Variants in SGCZ observed in about 807,000 individuals in gnomAD.
The protein encoded by SGCZ is zeta-sarcoglycan.
Under a neutral mutation model 41.3 loss-of-function variants are expected in SGCZ, and 40 were observed. The observed-to-expected ratio is 0.97, with a 90% CI of 0.75 to 1.26. The LOEUF is 1.26. Among genes scored for constraint, SGCZ ranks in the 50% most tolerant of loss-of-function variants. The pLI is 0.00. For missense variants in SGCZ, 552 were observed against 369.8 expected, an observed-to-expected ratio of 1.49 and a Z score of -4.04; for synonymous variants, 206 against 137.5, an observed-to-expected ratio of 1.50 and a Z score of -3.49.
At chr8:15,225,839 G>A (rs1383023413) in intron 1 of SGCZ, among the ~76,000 whole-genome samples, 2 of 152,076 alleles carry the variant, frequency 1.3e-5, no homozygotes, top group Non-Finnish European at 2.9e-5. Context: ...CCTAGAATCT[G>A]CCACTTTGCA....
rs1801146660 is a variant in SGCZ at position 14,796,803 on chromosome 8, G to A, written c.40-241877C>T. On this transcript the variant is annotated intron_variant, in intron 1 of 7. Transcript: ENST00000382080. Reference sequence around the variant, plus strand: ...TGTGGTGGTAGGGACCATGTGGGAGGTAACTGAATCATGCGTTGGTTTCGC... The same window carrying A: ...TGTGGTGGTAGGGACCATGTGGGAGATAACTGAATCATGCGTTGGTTTCGC... Among the ~76,000 whole-genome samples the A allele has an allele frequency of 2.0e-5, 3 of 152,138 alleles. No individual in the cohort carries two copies. The South Asian group carries it at 6.2e-4, about 31-fold the overall frequency.
At chr8:14,132,177 G>T (rs1803061744) in intron 5 of SGCZ, among the ~76,000 whole-genome samples, 1 of 151,728 alleles carries the variant, frequency 6.6e-6, no homozygotes, top group Non-Finnish European at 1.5e-5. Context: ...CAGTAATTTT[G>T]CTTGGCCTGT....
At chr8:15,182,006 C>G (rs776019461) in intron 1 of SGCZ, among the ~76,000 whole-genome samples, 1 of 152,106 alleles carries the variant, frequency 6.6e-6, no homozygotes, top group Non-Finnish European at 1.5e-5. Context: ...TAGAATGGTG[C>G]ACTCATCACT....
At chr8:15,133,873 TC>T (rs965851515) in intron 1 of SGCZ, among the ~76,000 whole-genome samples, 8 of 152,222 alleles carry the variant, frequency 5.3e-5, no homozygotes, top group African/African-American at 1.9e-4. Context: ...TTAACAATGA[TC>T]CTTTGCTAAT....
intron 1 of SGCZ, among the ~76,000 whole-genome samples, chr8:15,119,105 T>G (rs1042306326): frequency 3.9e-5 from 6 of 152,216 alleles, no homozygotes; most frequent in African/African-American, 9.6e-5. Context: ...GCTTTACTTC[T>G]TATCCTTTTA....
rs150153741 is a variant in SGCZ at position 15,080,618 on chromosome 8, G to A, written c.39+156967C>T. Among the ~76,000 whole-genome samples the A allele has an allele frequency of 7.7e-3, 1,170 of 152,124 alleles. 9 individuals are homozygous for A. Among genetic ancestry groups the A allele is most frequent in the Non-Finnish European group, 0.011 (781 of 67,982 alleles). ...ATTTATTTATTTATTTTGAGACAGA[G>A]TCTTGCTCTGTCACCAGGCTGGAGT... On this transcript the variant is annotated intron_variant, in intron 1 of 7. Coordinates refer to ENST00000382080, the MANE Select transcript of SGCZ (RefSeq NM_139167.4).
At chr8:14,525,956 T>C (rs1329984702) in intron 2 of SGCZ, among the ~76,000 whole-genome samples, 1 of 151,958 alleles carries the variant, frequency 6.6e-6, no homozygotes, top group Non-Finnish European at 1.5e-5. Context: ...AAGTTAGAGA[T>C]AGTCTAAGCA....
intron 1 of SGCZ, among the ~76,000 whole-genome samples, chr8:15,065,717 G>T (rs1324748165): frequency 6.6e-6 from 1 of 152,048 alleles, no homozygotes; most frequent in East Asian, 2.0e-4. Flanking sequence ...GGGATCACAG[G>T]TATACACACT....
chr8:14,345,480 T>C (rs899310600), intron 2 of SGCZ, among the ~76,000 whole-genome samples: 2 of 152,134 alleles, frequency 1.3e-5, no homozygotes, highest in East Asian at 1.9e-4. Flanking sequence ...TGTATGGGTA[T>C]AGGTTATGGA....
At chr8:15,051,522 C>A (rs2130993942) in intron 1 of SGCZ, among the ~76,000 whole-genome samples, 1 of 152,164 alleles carries the variant, frequency 6.6e-6, no homozygotes, top group South Asian at 2.1e-4. Context: ...TCCTTGAGTA[C>A]ATACCCAGGA....
Position 14,273,722 on chromosome 8 carries a change from C to A in SGCZ, c.337-36043G>T, listed in dbSNP as rs185395454. On this transcript the variant is annotated intron_variant, in intron 3 of 7. Coordinates refer to ENST00000382080, the MANE Select transcript of SGCZ (RefSeq NM_139167.4). Reference sequence around the variant, plus strand: ...AAACTCTTTCAATATCCAACCTTAACCAAGAAAAGAAACACAGGCAATATC... The same window carrying A: ...AAACTCTTTCAATATCCAACCTTAAACAAGAAAAGAAACACAGGCAATATC... 9.2e-4 allele frequency among the ~76,000 whole-genome samples: 140 copies of A among 152,080 alleles called. 1 individual carries two copies. Among genetic ancestry groups the A allele is most frequent in the Non-Finnish European group, 1.5e-3 (104 of 67,992 alleles).
At chr8:14,703,535 A>G (rs1289408833) in intron 1 of SGCZ, among the ~76,000 whole-genome samples, 1 of 152,008 alleles carries the variant, frequency 6.6e-6, no homozygotes, top group East Asian at 1.9e-4. Context: ...ATTGCCTTAT[A>G]TATTTCATGC....
chr8:14,376,353 A>G (rs1216183020), intron 2 of SGCZ, among the ~76,000 whole-genome samples: 1 of 152,066 alleles, frequency 6.6e-6, no homozygotes, highest in East Asian at 1.9e-4. Flanking sequence ...AAAAAATACA[A>G]TGGAAAAATA....
At position 15,143,770 on chromosome 8, in the gene SGCZ, T is replaced by TAGCAAAATATC. The variant is rs1563148845; in HGVS notation, c.39+93814_39+93815insGATATTTTGCT. Among the ~76,000 whole-genome samples, 2 of 4,578 alleles carry TAGCAAAATATC rather than the reference T, an allele frequency of 4.4e-4. 1 individual carries two copies. The highest frequency in any genetic ancestry group is 3.4e-3 in the Non-Finnish European group (2 of 580). The allele number at this position is 4,578 out of a possible 152,430, so 3.0% of individuals were successfully genotyped here. A position where few individuals can be genotyped will look rare whatever the true frequency, so the allele number is the denominator to read the frequency against. On this transcript the variant is annotated intron_variant, in intron 1 of 7. Coordinates refer to ENST00000382080, the MANE Select transcript of SGCZ (RefSeq NM_139167.4). ...ATCTGTGGTCAATCTATTATTACCTTTTTTTTTTTTTTTTTTTTTTTTTTT... is the reference window on the plus strand; with the variant it reads ...ATCTGTGGTCAATCTATTATTACCTTAGCAAAATATCTTTTTTTTTTTTTTTTTTTTTTTTT...
At chr8:14,317,270 A>G (rs572458912) in intron 3 of SGCZ, among the ~76,000 whole-genome samples, 5 of 152,160 alleles carry the variant, frequency 3.3e-5, no homozygotes, top group Middle Eastern at 3.4e-3. Flanking sequence ...AACAACTATA[A>G]CAGTGTAGTC....
chr8:14,350,156 T>C (rs1211889421), intron 2 of SGCZ, among the ~76,000 whole-genome samples: 1 of 149,814 alleles, frequency 6.7e-6, no homozygotes, highest in Non-Finnish European at 1.5e-5. Flanking sequence ...AAAAAACAAA[T>C]GAACAAACAA....
intron 1 of SGCZ, among the ~76,000 whole-genome samples, chr8:14,819,039 C>T (rs1317671723): frequency 6.6e-6 from 1 of 151,622 alleles, no homozygotes; most frequent in African/African-American, 2.4e-5. Flanking sequence ...TATCCAGATT[C>T]AGGAAGCTCA....
At chr8:14,822,827 T>C (rs4831655) in intron 1 of SGCZ, among the ~76,000 whole-genome samples, 39,303 of 151,696 alleles carry the variant, frequency 0.26, 6,213 homozygotes, top group East Asian at 0.58. Flanking sequence ...AAACTCAAAA[T>C]GAATTCAAGG....
chr8:14,099,987 GACTGAT>G (rs1414776743), intron 7 of SGCZ, among the ~76,000 whole-genome samples: 1 of 151,968 alleles, frequency 6.6e-6, no homozygotes, highest in African/African-American at 2.4e-5. Flanking sequence ...TCAATACCAT[GACTGAT>G]ACTAAGTAGT....
Sources: allele counts gnomAD v4.1 joint callset (sites outside exome capture counted in the v4.1 genomes callset), GRCh38; gene constraint gnomAD v4.1.1; transcripts MANE v1.5; gene names NCBI Gene and HGNC (gene_info 2026-07-23, HGNC 2026-07-21).